Variants in RPS27A observed in about 807,000 individuals in gnomAD.
The protein encoded by RPS27A is ribosomal protein S27a.
RPS27A carries 1 observed loss-of-function variant against 18.9 expected under a neutral mutation model. The observed-to-expected ratio is 0.05, with a 90% CI of 0.02 to 0.25. The LOEUF is 0.25. Ranked by LOEUF, RPS27A falls within the 10% of genes least tolerant of loss-of-function variation. RPS27A has a pLI of 1.00. For synonymous variants in RPS27A, 77 were observed against 63.7 expected (o/e 1.21, Z -0.99); for missense variants, 123 against 187.4 (o/e 0.66, Z 2.01).
At chr2:55,234,749 C>T in intron 4 of RPS27A, 82 bp from the exon 5 acceptor site, 2 of 1,525,512 alleles carry the variant, frequency 1.3e-6, no homozygotes, top group Non-Finnish European at 1.8e-6. Context: ...GCTGCTACTG[C>T]TTTTAATTAG....
rs531398182 is a variant in RPS27A at position 55,234,249 on chromosome 2, T to C, written c.189+45T>C. The C allele has an allele frequency of 2.9e-5, 40 of 1,383,198 alleles. No homozygotes were observed. In the South Asian group the frequency reaches 4.4e-4, roughly 15 times the overall value. 85.7% of individuals were successfully genotyped at this position (1,383,198 alleles called of 1,614,324 possible). A position where few individuals can be genotyped will look rare whatever the true frequency, so the allele number is the denominator to read the frequency against. ...AGCCTCTTTTAAAAAAAAAATGTTA[T>C]TTTGGAAATTTTTTATTTTACTTTT... On this transcript the variant is annotated intron_variant, in intron 4 of 5. Transcript: ENST00000272317.
intron 5 of RPS27A, 138 bp from the exon 6 acceptor site, chr2:55,235,290 A>G (rs1675732380): frequency 1.0e-6 from 1 of 959,570 alleles, no homozygotes. Context: ...ATAACTGGTG[A>G]GAATTTAGGG....
intron 3 of RPS27A, chr2:55,233,899 G>C (rs1675648038): frequency 3.3e-6 from 2 of 606,294 alleles, no homozygotes; most frequent in East Asian, 2.9e-5. Flanking sequence ...CAAAGTATTG[G>C]TATTACAGGT....
Position 55,235,455 on chromosome 2 carries a change from C to G in RPS27A, c.349C>G (p.Leu117Val). ...GGATGAGAATGGCAAAATTAGTCGC[C>G]TTCGTCGAGAGTGCCCTTCTGATGA... Reference protein sequence around the residue: ...KVDENGKISRLRRECPSDECG... With the variant: ...KVDENGKISRVRRECPSDECG... Residue 117 changes from leucine (L) to valine (V), a missense_variant, in exon 6 of 6, where the codon CTT (leucine) becomes GTT (valine). Leu to Val is a conservative substitution (Grantham distance 32). Around this residue, in one of 2 missense-constraint regions of RPS27A, gnomAD observed 57 missense variants for 114.8 expected, o/e 0.50. Transcript: ENST00000272317. The G allele has an allele frequency of 6.2e-7, 1 of 1,611,950 alleles. No individual in the cohort carries two copies. The highest frequency in any genetic ancestry group is 8.5e-7 in the Non-Finnish European group (1 of 1,179,888).
intron 4 of RPS27A, 159 bp downstream of exon 4, chr2:55,234,363 C>A: frequency 1.5e-6 from 1 of 658,146 alleles, no homozygotes; most frequent in Non-Finnish European, 2.8e-6. Flanking sequence ...GTGGTCCTCC[C>A]ACCTCAGCCT....
In RPS27A at chr2:55,235,525, A is replaced by C. The variant is rs1465862397; in HGVS notation, c.419A>C (p.Tyr140Ser). ...ATGGCAAGTCACTTTGACAGACATT[A>C]TTGTGGCAAATGTTGTCTGACTTAC... is the stretch of plus-strand genomic sequence containing the variant. ...VFMASHFDRHYCGKCCLTYCF... is the reference protein window; with the variant it reads ...VFMASHFDRHSCGKCCLTYCF... Residue 140 changes from tyrosine (Y) to serine (S), a missense_variant, in exon 6 of 6, where the codon TAT becomes TCT. Physicochemically the swap from Tyr to Ser is moderately radical, Grantham distance 144. This residue lies in a region of RPS27A where 57 missense variants were observed against 114.8 expected (regional missense o/e 0.50). Transcript: ENST00000272317. The C allele has an allele frequency of 1.2e-6, 2 of 1,608,972 alleles. No individual in the cohort carries two copies. Among genetic ancestry groups the C allele is most frequent in the Non-Finnish European group, 1.7e-6 (2 of 1,179,994 alleles).
chr2:55,235,031 C>T, intron 5 of RPS27A, 69 bp downstream of exon 5: 2 of 1,539,136 alleles, frequency 1.3e-6, no homozygotes, highest in African/African-American at 1.4e-5. Context: ...CTTTATAGTA[C>T]TTGTCAATAT....
In RPS27A at chr2:55,233,457, A is replaced by G. The variant is rs769265351; in HGVS notation, c.103+40A>G. 4 of 1,505,400 alleles carry G rather than the reference A, an allele frequency of 2.7e-6. No individual in the cohort carries two copies. The African/African-American group carries it at 4.2e-5, about 16-fold the overall frequency. The allele number at this position is 1,505,400 out of a possible 1,614,324, so 93.3% of individuals were successfully genotyped here. ...GTAGTTAAGAAAACTTAACCTGCGG[A>G]GACTTCGGCCTACCTGTAGGTGCTA... On this transcript the variant is annotated intron_variant, in intron 3 of 5. Transcript: ENST00000272317.
chr2:55,234,046 G>C, intron 3 of RPS27A, 73 bp from the exon 4 acceptor site: 1 of 926,992 alleles, frequency 1.1e-6, no homozygotes. Flanking sequence ...TGATTAAGGG[G>C]TGTTACCTTA....
intron 5 of RPS27A, 175 bp from the exon 6 acceptor site, chr2:55,235,253 C>G (rs1558540029): frequency 1.2e-6 from 1 of 806,886 alleles, no homozygotes; most frequent in African/African-American, 1.7e-5. Flanking sequence ...AGTCCCAAGA[C>G]TTCTGAATGT....
At chr2:55,235,004 T>G (rs777896681) in intron 5 of RPS27A, 42 bp downstream of exon 5, 3 of 1,606,544 alleles carry the variant, frequency 1.9e-6, no homozygotes, top group Non-Finnish European at 2.5e-6. Flanking sequence ...AGTCTTGGCT[T>G]ATTTGGAAAA....
In RPS27A at chr2:55,232,877, G is replaced by C. The variant is rs753686670; in HGVS notation, c.48+5G>C. ...GGGAAGACCATCACCCTCGAGGTAC[G>C]GGCCGGGTGGTCATGAGGAAGCCAA... is the stretch of plus-strand genomic sequence containing the variant. On this transcript the variant is annotated splice_donor_5th_base_variant and intron_variant, in intron 2 of 5. Coordinates refer to ENST00000272317, the MANE Select transcript of RPS27A (RefSeq NM_002954.6). The C allele has an allele frequency of 6.2e-7, 1 of 1,610,980 alleles. No homozygotes were observed. Among genetic ancestry groups the C allele is most frequent in the Non-Finnish European group, 8.5e-7 (1 of 1,178,960 alleles).
At chr2:55,235,248 C>G (rs1464116571) in intron 5 of RPS27A, 180 bp from the exon 6 acceptor site, 1 of 789,196 alleles carries the variant, frequency 1.3e-6, no homozygotes, top group Non-Finnish European at 2.1e-6. Flanking sequence ...TCAAAAGTCC[C>G]AAGACTTCTG....
chr2:55,233,668 C>T (rs1189290225), intron 3 of RPS27A: 4 of 527,678 alleles, frequency 7.6e-6, no homozygotes, highest in South Asian at 6.0e-5. Context: ...TCTCCTCTGT[C>T]GCCCAGGCTG....
upstream of RPS27A, chr2:55,232,306 T>G (rs987499760): frequency 4.8e-6 from 1 of 209,140 alleles, no homozygotes; most frequent in Non-Finnish European, 1.0e-5. Flanking sequence ...GAGGTGGAAC[T>G]GCATCTTGGG....
intron 4 of RPS27A, 124 bp from the exon 5 acceptor site, chr2:55,234,707 G>A: frequency 9.2e-7 from 1 of 1,082,040 alleles, no homozygotes; most frequent in Non-Finnish European, 1.4e-6. Flanking sequence ...TTGGGTTTGG[G>A]GGCTGCAAGA....
Position 55,234,878 on chromosome 2 carries a change from A to T in RPS27A, c.237A>T (p.Lys79Asn). The T allele has an allele frequency of 6.2e-7, 1 of 1,612,852 alleles. No homozygotes were observed. The highest frequency in any genetic ancestry group is 8.5e-7 in the Non-Finnish European group (1 of 1,179,880). The change falls in exon 5 of 6, where the codon AAA (lysine) becomes AAT (asparagine). Residue 79 changes from lysine (K) to asparagine (N), a missense_variant. By Grantham distance (94) the Lys-to-Asn change is moderately conservative. This residue lies in a region of RPS27A where 57 missense variants were observed against 114.8 expected (regional missense o/e 0.50). Transcript: ENST00000272317. ...TGAGACTTCGTGGTGGTGCTAAGAAAAGGAAGAAGAAGTCTTACACCACTC... is the reference window on the plus strand; with the variant it reads ...TGAGACTTCGTGGTGGTGCTAAGAATAGGAAGAAGAAGTCTTACACCACTC... ...LVLRLRGGAK[K>N]RKKKSYTTPK... is the part of the protein sequence containing the mutation.
chr2:55,235,344 A>T (rs1473543283), intron 5 of RPS27A, 84 bp from the exon 6 acceptor site: 1 of 1,491,300 alleles, frequency 6.7e-7, no homozygotes, highest in Non-Finnish European at 9.3e-7. Context: ...TTACACAGTT[A>T]AAAGCTTAAA....
upstream of RPS27A, chr2:55,232,617 T>C: frequency 1.6e-6 from 1 of 622,088 alleles, no homozygotes; most frequent in East Asian, 2.8e-5. Context: ...AGGCATTTGG[T>C]GTGGTCGCCT....
Sources: allele counts gnomAD v4.1 joint callset, GRCh38; gene constraint gnomAD v4.1.1; regional missense constraint gnomAD v4.1.1; transcripts MANE v1.5; gene names NCBI Gene and HGNC (gene_info 2026-07-23, HGNC 2026-07-21).